The following FMNL2 variants were observed in gnomAD, a reference collection of about 807,000 sequenced individuals.
The protein encoded by FMNL2 is formin like 2.
FMNL2 carries 51 observed loss-of-function variants against 130.2 expected under a neutral mutation model. The ratio of observed to expected loss-of-function variants is 0.39; its 90% confidence interval spans 0.31 to 0.49. The LOEUF (loss-of-function observed/expected upper bound fraction) is 0.49, where lower values mean the gene tolerates loss of function less well. Ranked by LOEUF, FMNL2 falls within the 20% of genes least tolerant of loss-of-function variation. The pLI, the probability that FMNL2 is intolerant of heterozygous loss-of-function variation, is 0.85. For synonymous variants in FMNL2, 465 were observed against 467.1 expected (o/e 1.00, Z 0.06); for missense variants, 977 against 1,316.2 (o/e 0.74, Z 3.99).
chr2:152,621,006 G>A lies in FMNL2; in HGVS notation c.1837+1288G>A, dbSNP rs545073177. On this transcript the variant is annotated intron_variant, in intron 15 of 25. Transcript: ENST00000288670. ...GGAGAAAAGTTGGAGCAGAGTCATC[G>A]TGGAACTGATGGACTATGGAATATA... is the stretch of plus-strand genomic sequence containing the variant. 4.3e-4 allele frequency: 424 copies of A among 985,352 alleles called. 2 individuals carry two copies. The African/African-American group carries it at 7.0e-3, about 16-fold the overall frequency. 61.0% of individuals were successfully genotyped at this position (985,352 alleles called of 1,614,324 possible).
At chr2:152,396,212 G>A (rs1685386167) in intron 1 of FMNL2, among the ~76,000 whole-genome samples, 1 of 152,148 alleles carries the variant, frequency 6.6e-6, no homozygotes, top group Non-Finnish European at 1.5e-5. Flanking sequence ...CCACACTGGG[G>A]GAGCTAGAAG....
rs368904283 is a variant in FMNL2, at chr2:152,647,886, G to A, written c.3260G>A (p.Gly1087Asp). ...GATCAGAACTTGCGTTCTGTTAATGGTGCCGAAATAACAATGTGAACCTGA... is the reference window on the plus strand; with the variant it reads ...GATCAGAACTTGCGTTCTGTTAATGATGCCGAAATAACAATGTGAACCTGA... ...FDDQNLRSVN[G>D]AEITM The change falls in exon 26 of 26, where the codon GGT becomes GAT. Residue 1087 changes from glycine to aspartate, a missense_variant. By Grantham distance (94) the Gly-to-Asp change is moderately conservative. Coordinates refer to ENST00000288670, the MANE Select transcript of FMNL2 (RefSeq NM_052905.4). 1.1e-4 allele frequency: 185 copies of A among 1,613,408 alleles called. No homozygotes were observed. The Middle Eastern group carries it at 2.1e-3, about 19-fold the overall frequency.
At chr2:152,480,252 A>T (rs755481674) in intron 1 of FMNL2, among the ~76,000 whole-genome samples, 1 of 152,186 alleles carries the variant, frequency 6.6e-6, no homozygotes, top group Non-Finnish European at 1.5e-5. Context: ...ACAACTCACA[A>T]ATCTAATAAT....
chr2:152,594,497 C>T (rs556116678), intron 9 of FMNL2, among the ~76,000 whole-genome samples: 2 of 152,340 alleles, frequency 1.3e-5, no homozygotes, highest in African/African-American at 2.4e-5. Context: ...CTGCGTCAAT[C>T]CCTTGGCTCA....
intron 1 of FMNL2, among the ~76,000 whole-genome samples, chr2:152,474,451 G>A (rs921148229): frequency 2.0e-5 from 3 of 152,222 alleles, no homozygotes; most frequent in African/African-American, 7.2e-5. Flanking sequence ...TTGGGAGGCT[G>A]AGGCATGTAG....
chr2:152,342,306 C>T (rs1349548441), intron 1 of FMNL2, among the ~76,000 whole-genome samples: 1 of 152,210 alleles, frequency 6.6e-6, no homozygotes, highest in Admixed American at 6.5e-5. Flanking sequence ...GATTGCCCCT[C>T]CTTTGCAAGA....
At chr2:152,527,708 ATAT>A (rs1693465313) in intron 2 of FMNL2, among the ~76,000 whole-genome samples, 1 of 152,010 alleles carries the variant, frequency 6.6e-6, no homozygotes, top group Admixed American at 6.6e-5. Flanking sequence ...AATCAATGTG[ATAT>A]TATTTTTGAG....
Position 152,335,502 on chromosome 2 carries a change from A to G in FMNL2, c.-102A>G. 1.3e-6 allele frequency: 1 copy of G among 755,114 alleles called. No homozygotes were observed. Among genetic ancestry groups the G allele is most frequent in the Non-Finnish European group, 1.9e-6 (1 of 515,034 alleles). 46.8% of individuals were successfully genotyped at this position (755,114 alleles called of 1,614,324 possible). A position where few individuals can be genotyped will look rare whatever the true frequency, so the allele number is the denominator to read the frequency against. On this transcript the variant is annotated 5_prime_UTR_variant, in exon 1 of 26. Coordinates refer to ENST00000288670, the MANE Select transcript of FMNL2 (RefSeq NM_052905.4). ...CGCGGCGGAGGGCGGGGAGCCGGGC[A>G]GGTCGCGCCTGCGGGCGGCAGCCGA...
chr2:152,601,324 G>C (rs1162368850), intron 9 of FMNL2, among the ~76,000 whole-genome samples: 160 of 120,684 alleles, frequency 1.3e-3, no homozygotes, highest in Middle Eastern at 7.9e-3. Context: ...TTTTTGAGAT[G>C]GAGTCTCGCT....
intron 1 of FMNL2, among the ~76,000 whole-genome samples, chr2:152,367,077 G>GTGTT (rs1195650245): frequency 6.9e-6 from 1 of 145,232 alleles, no homozygotes; most frequent in East Asian, 2.0e-4. Context: ...GTGTGTGTTT[G>GTGTT]TTTTTTTTTT....
intron 9 of FMNL2, among the ~76,000 whole-genome samples, chr2:152,599,403 A>ATTTT (rs1407347624): frequency 1.7e-4 from 10 of 57,450 alleles, no homozygotes; most frequent in African/African-American, 2.8e-4. Flanking sequence ...ATTGAAGGTC[A>ATTTT]TCTTTTTTTT....
chr2:152,548,904 G>C, intron 3 of FMNL2, 117 bp from the exon 4 acceptor site: 1 of 802,362 alleles, frequency 1.2e-6, no homozygotes, highest in South Asian at 2.3e-5. Flanking sequence ...AAAAAGTGAG[G>C]GAAGCCCATT....
intron 1 of FMNL2, among the ~76,000 whole-genome samples, chr2:152,346,186 G>A (rs563122147): frequency 1.6e-4 from 24 of 151,886 alleles, no homozygotes; most frequent in Non-Finnish European, 2.8e-4. Flanking sequence ...CTCTGTGCCC[G>A]GCTAATTTTT....
chr2:152,586,424 A>G (rs956006345), intron 9 of FMNL2, among the ~76,000 whole-genome samples: 2 of 152,226 alleles, frequency 1.3e-5, no homozygotes, highest in Admixed American at 6.5e-5. Flanking sequence ...TTTATAGTGG[A>G]CCAAATTGGG....
chr2:152,489,351 T>G (rs929161694), intron 1 of FMNL2, among the ~76,000 whole-genome samples: 4 of 152,244 alleles, frequency 2.6e-5, no homozygotes, highest in Non-Finnish European at 5.9e-5. Context: ...GCCTTTCTCT[T>G]CATTCCCTCT....
intron 1 of FMNL2, among the ~76,000 whole-genome samples, chr2:152,403,117 A>G (rs1468569125): frequency 6.6e-6 from 1 of 152,060 alleles, no homozygotes; most frequent in Non-Finnish European, 1.5e-5. Flanking sequence ...GGGGAGGATG[A>G]CAGAGGTAAA....
rs1442988540 is a variant in FMNL2 at position 152,586,633 on chromosome 2, G to C, written c.876+5584G>C. Among the ~76,000 whole-genome samples, 8 of 152,134 alleles carry C rather than the reference G, an allele frequency of 5.3e-5. No individual in the cohort carries two copies. The East Asian group carries it at 1.3e-3, about 26-fold the overall frequency. On this transcript the variant is annotated intron_variant, in intron 9 of 25. Coordinates refer to ENST00000288670, the MANE Select transcript of FMNL2 (RefSeq NM_052905.4). ...AACTATAAGCAATGTATTCTCTCAAGTCTCAAACTGTAGGAGCCACAGCCG... is the reference window on the plus strand; with the variant it reads ...AACTATAAGCAATGTATTCTCTCAACTCTCAAACTGTAGGAGCCACAGCCG...
At chr2:152,451,821 C>T (rs950539076) in intron 1 of FMNL2, among the ~76,000 whole-genome samples, 7 of 152,110 alleles carry the variant, frequency 4.6e-5, no homozygotes, top group South Asian at 2.1e-4. Context: ...ACTTCAGTTT[C>T]GATTGTGGGC....
intron 6 of FMNL2, among the ~76,000 whole-genome samples, chr2:152,566,834 G>C (rs144722809): frequency 1.1e-4 from 17 of 152,276 alleles, no homozygotes; most frequent in Middle Eastern, 3.4e-3. Flanking sequence ...AGTGATTCAC[G>C]AGACTTGGTG....
Sources: gnomAD v4.1 joint callset for allele counts (sites outside exome capture counted in the v4.1 genomes callset) on GRCh38, gnomAD v4.1.1 for gene constraint, MANE v1.5 for transcripts, NCBI Gene and HGNC (gene_info 2026-07-23, HGNC 2026-07-21) for gene names.